PXDNL: variants seen among roughly 807,000 people sequenced by gnomAD.
PXDNL encodes peroxidasin like, also known as probable oxidoreductase PXDNL.
PXDNL carries 145 observed loss-of-function variants against 150.8 expected under a neutral mutation model. The observed-to-expected ratio is 0.96, with a 90% CI of 0.84 to 1.10. The LOEUF is 1.10. Ranked by LOEUF, PXDNL falls within the 50% of genes least tolerant of loss-of-function variation. PXDNL has a pLI of 0.00. For missense variants in PXDNL, 2,087 were observed against 1,873.9 expected, an observed-to-expected ratio of 1.11 and a Z score of -2.10; for synonymous variants, 757 against 725.7, an observed-to-expected ratio of 1.04 and a Z score of -0.69.
intron 14 of PXDNL, 84 bp downstream of exon 14, chr8:51,423,491 A>T: frequency 2.7e-6 from 3 of 1,092,728 alleles, no homozygotes; most frequent in Non-Finnish European, 3.9e-6. Flanking sequence ...GAGCATGATT[A>T]GTGAGATCAG....
At chr8:51,421,685 T>C (rs532655794) in intron 14 of PXDNL, among the ~76,000 whole-genome samples, 1 of 152,162 alleles carries the variant, frequency 6.6e-6, no homozygotes, top group South Asian at 2.1e-4. Context: ...GGCAACAGAG[T>C]GAGACTCCGT....
chr8:51,325,587 A>G (rs1805456915), intron 21 of PXDNL, among the ~76,000 whole-genome samples: 1 of 152,162 alleles, frequency 6.6e-6, no homozygotes, highest in Admixed American at 6.5e-5. Flanking sequence ...GGGCAGCCTC[A>G]TCACCCCCTG....
intron 17 of PXDNL, among the ~76,000 whole-genome samples, chr8:51,378,890 C>A (rs1807446697): frequency 6.6e-6 from 1 of 152,188 alleles, no homozygotes; most frequent in Admixed American, 6.5e-5. Context: ...GGACACATCA[C>A]CTTTAAGAAC....
At chr8:51,532,310 A>G (rs1311506494) in intron 4 of PXDNL, among the ~76,000 whole-genome samples, 1 of 150,322 alleles carries the variant, frequency 6.7e-6, no homozygotes, top group African/African-American at 2.5e-5. Context: ...CAGAACTCAA[A>G]AGCAAAAGAC....
In PXDNL at chr8:51,447,042, A is replaced by T. The variant is rs199588192; in HGVS notation, c.1487T>A (p.Val496Glu). Residue 496 changes from valine (V) to glutamate (E), a missense_variant, in exon 12 of 23, where the codon GTG (valine) becomes GAG (glutamate). Physicochemically the swap from Val to Glu is moderately radical, Grantham distance 121 (BLOSUM62 -2). Transcript: ENST00000356297. ...AGTCAGCTGCACAGACACCTTTTTC[A>T]CCCCCAACGAACTGACTGCTTGACA... ...YECQAVSSLG[V>E]KKVSVQLTVK... The T allele has an allele frequency of 6.2e-7, 1 of 1,613,528 alleles. No individual in the cohort carries two copies. The highest frequency in any genetic ancestry group is 2.2e-5 in the East Asian group (1 of 44,864).
chr8:51,684,677 A>G (rs1197586264), intron 1 of PXDNL, among the ~76,000 whole-genome samples: 1 of 152,196 alleles, frequency 6.6e-6, no homozygotes. Flanking sequence ...AGCTCTTTAA[A>G]TCTGGGTCCA....
At chr8:51,542,508 A>C (rs1812240069) in intron 4 of PXDNL, among the ~76,000 whole-genome samples, 1 of 150,262 alleles carries the variant, frequency 6.7e-6, no homozygotes, top group African/African-American at 2.5e-5. Flanking sequence ...AAAAAAAAAA[A>C]AAGAGAGAGA....
intron 8 of PXDNL, among the ~76,000 whole-genome samples, chr8:51,458,916 C>T (rs1445178639): frequency 1.3e-5 from 2 of 151,274 alleles, no homozygotes; most frequent in South Asian, 2.1e-4. Context: ...TGATCTTCTT[C>T]AGCTATTGGG....
intron 8 of PXDNL, among the ~76,000 whole-genome samples, chr8:51,459,186 T>C (rs1051822796): frequency 6.6e-6 from 1 of 152,218 alleles, no homozygotes; most frequent in Non-Finnish European, 1.5e-5. Context: ...TCCCAGCACT[T>C]TGGGAGGCCA....
At chr8:51,777,779 T>C (rs537919896) in intron 1 of PXDNL, among the ~76,000 whole-genome samples, 15 of 152,270 alleles carry the variant, frequency 9.9e-5, no homozygotes, top group African/African-American at 1.9e-4. Context: ...AGTGGGCGCC[T>C]GTAATCCCAG....
chr8:51,601,904 T>A (rs183489184), intron 2 of PXDNL, among the ~76,000 whole-genome samples: 2 of 152,176 alleles, frequency 1.3e-5, no homozygotes, highest in East Asian at 3.9e-4. Flanking sequence ...GAATCTCATG[T>A]AAGGCTGGTC....
At chr8:51,364,642 G>A (rs1419220014) in intron 19 of PXDNL, among the ~76,000 whole-genome samples, 1 of 152,212 alleles carries the variant, frequency 6.6e-6, no homozygotes, top group East Asian at 1.9e-4. Flanking sequence ...GATGGAAGAT[G>A]AAGGGCCAGT....
At chr8:51,593,181 C>T (rs189672576) in intron 2 of PXDNL, among the ~76,000 whole-genome samples, 1 of 152,178 alleles carries the variant, frequency 6.6e-6, no homozygotes, top group East Asian at 1.9e-4. Flanking sequence ...AAGTGAGGCT[C>T]TTATTATAGT....
chr8:51,363,608 A>G (rs779011557), intron 19 of PXDNL, among the ~76,000 whole-genome samples: 1 of 152,182 alleles, frequency 6.6e-6, no homozygotes, highest in East Asian at 1.9e-4. Flanking sequence ...TATAGATAAC[A>G]TAACCGATTA....
chr8:51,496,462 T>C (rs553687716), intron 5 of PXDNL, among the ~76,000 whole-genome samples: 2 of 152,174 alleles, frequency 1.3e-5, no homozygotes, highest in African/African-American at 2.4e-5. Context: ...ATAAAGGGTA[T>C]TCAATCAGGA....
intron 1 of PXDNL, among the ~76,000 whole-genome samples, chr8:51,743,597 G>C (rs1472377598): frequency 2.0e-5 from 3 of 151,946 alleles, no homozygotes; most frequent in Non-Finnish European, 4.4e-5. Flanking sequence ...GGCCAGGCTG[G>C]TCTTGAACTC....
chr8:51,568,308 C>A (rs1040986125), intron 3 of PXDNL, among the ~76,000 whole-genome samples: 1 of 151,790 alleles, frequency 6.6e-6, no homozygotes, highest in East Asian at 1.9e-4. Flanking sequence ...CTATTAGTAA[C>A]AAATTTCCTC....
intron 17 of PXDNL, among the ~76,000 whole-genome samples, chr8:51,382,013 A>C (rs1156751758): frequency 6.6e-6 from 1 of 152,130 alleles, no homozygotes; most frequent in African/African-American, 2.4e-5. Context: ...ACATATGTAT[A>C]CATGTGCAGA....
At chr8:51,411,492 A>C in intron 15 of PXDNL, 85 bp from the exon 16 acceptor site, 1 of 1,245,146 alleles carries the variant, frequency 8.0e-7, no homozygotes, top group Non-Finnish European at 1.1e-6. Context: ...TTAAAAAGGC[A>C]TTTCCCAAAC....
Sources: allele counts gnomAD v4.1 joint callset (sites outside exome capture counted in the v4.1 genomes callset), GRCh38; gene constraint gnomAD v4.1.1; transcripts MANE v1.5; gene names NCBI Gene and HGNC (gene_info 2026-07-23, HGNC 2026-07-21).